Variants in CUX1 observed in about 807,000 individuals in gnomAD.
CUX1 encodes the protein protein CASP.
Under a neutral mutation model 158.8 loss-of-function variants are expected in CUX1, and 31 were observed. The observed-to-expected ratio is 0.20, with a 90% CI of 0.15 to 0.26. The LOEUF (loss-of-function observed/expected upper bound fraction) is 0.26, where lower values mean the gene tolerates loss of function less well. CUX1 is among the 10% of genes least tolerant of loss of function. The probability of loss-of-function intolerance (pLI) is 1.00; values close to 1 mark genes in which losing one functional copy is unlikely to be tolerated. For synonymous variants in CUX1, 879 were observed against 862.1 expected, an observed-to-expected ratio of 1.02 and a Z score of -0.34; for missense variants, 1,589 against 2,014.6, an observed-to-expected ratio of 0.79 and a Z score of 4.04.
intron 2 of CUX1, among the ~76,000 whole-genome samples, chr7:101,951,323 A>C (rs1003487170): frequency 6.6e-6 from 1 of 151,272 alleles, no homozygotes; most frequent in Admixed American, 6.6e-5. Context: ...AGGGTGAGAC[A>C]CTGTCTCAAA....
chr7:102,042,860 G>A (rs552491790), intron 3 of CUX1, among the ~76,000 whole-genome samples: 1 of 152,194 alleles, frequency 6.6e-6, no homozygotes, highest in Non-Finnish European at 1.5e-5. Flanking sequence ...CATAATCAGG[G>A]CTCACTGCAG....
intron 2 of CUX1, among the ~76,000 whole-genome samples, chr7:102,025,456 T>C (rs1819892298): frequency 1.3e-5 from 2 of 152,070 alleles, no homozygotes; most frequent in South Asian, 4.1e-4. Flanking sequence ...AGTGAAATCC[T>C]GTCTCTACGA....
intron 1 of CUX1, among the ~76,000 whole-genome samples, chr7:101,878,732 G>A (rs1305073175): frequency 6.6e-6 from 1 of 151,658 alleles, no homozygotes; most frequent in East Asian, 1.9e-4. Flanking sequence ...AAGTGCAGTG[G>A]TATGATCTCG....
intron 9 of CUX1, chr7:102,161,027 G>A (rs1436815284): frequency 1.3e-5 from 2 of 152,108 alleles, no homozygotes; most frequent in Non-Finnish European, 2.9e-5. Flanking sequence ...AGATTGTTTC[G>A]AGGATTTGAG....
intron 2 of CUX1, among the ~76,000 whole-genome samples, chr7:101,973,521 T>A (rs1314388733): frequency 6.6e-6 from 1 of 152,172 alleles, no homozygotes; most frequent in East Asian, 1.9e-4. Context: ...GGGAAAGTTA[T>A]GCATATAGAA....
chr7:101,840,260 T>G (rs1297978848), intron 1 of CUX1, among the ~76,000 whole-genome samples: 1 of 152,194 alleles, frequency 6.6e-6, no homozygotes, highest in Non-Finnish European at 1.5e-5. Context: ...TCCTTCTGAT[T>G]CTTACAGTGG....
rs1338005996 is a variant in CUX1 at position 102,249,164 on chromosome 7, C to T, written c.*122C>T. 1.7e-6 allele frequency: 2 copies of T among 1,146,084 alleles called. No homozygotes were observed. Among genetic ancestry groups the T allele is most frequent in the African/African-American group, 3.3e-5 (2 of 60,832 alleles). 71.0% of individuals were successfully genotyped at this position (1,146,084 alleles called of 1,614,324 possible). On this transcript the variant is annotated 3_prime_UTR_variant, in exon 24 of 24. Coordinates refer to ENST00000292535, the MANE Select transcript of CUX1 (RefSeq NM_181552.4). ...GCCCGCGGCCTGCACCGACCCCGGG[C>T]CGGACCTGAGCCCGCAGCCCAGACC...
At chr7:102,056,566 T>TA (rs1490348438) in intron 3 of CUX1, among the ~76,000 whole-genome samples, 3 of 152,142 alleles carry the variant, frequency 2.0e-5, no homozygotes, top group African/African-American at 7.2e-5. Flanking sequence ...CTGCCCAGAA[T>TA]AAAAAAAGGT....
intron 9 of CUX1, among the ~76,000 whole-genome samples, chr7:102,159,309 C>T (rs917244786): frequency 2.0e-5 from 3 of 152,242 alleles, no homozygotes; most frequent in Non-Finnish European, 4.4e-5. Context: ...GCCACTTGCT[C>T]CAAAGAGGGC....
At chr7:102,095,302 C>A (rs182083480) in intron 4 of CUX1, among the ~76,000 whole-genome samples, 1 of 152,146 alleles carries the variant, frequency 6.6e-6, no homozygotes, top group Admixed American at 6.6e-5. Flanking sequence ...TGAGCCACTG[C>A]AGCCGGCCTC....
intron 21 of CUX1, among the ~76,000 whole-genome samples, chr7:102,231,191 G>C (rs569590879): frequency 6.6e-6 from 1 of 151,840 alleles, no homozygotes; most frequent in African/African-American, 2.4e-5. Context: ...CACCATGCCC[G>C]GCTAATTTTT....
At chr7:101,930,701 T>C (rs1238743979) in intron 2 of CUX1, among the ~76,000 whole-genome samples, 1 of 152,026 alleles carries the variant, frequency 6.6e-6, no homozygotes, top group Admixed American at 6.6e-5. Context: ...CTTAAAGGAG[T>C]ATATAATTGG....
intron 21 of CUX1, 23 bp downstream of exon 21, chr7:102,227,692 G>A: frequency 1.3e-6 from 2 of 1,591,388 alleles, no homozygotes; most frequent in Non-Finnish European, 1.7e-6. Context: ...CTCGGCTGCT[G>A]AGTCAGGAGG....
upstream of CUX1, chr7:101,817,443 C>T (rs571287116): frequency 6.8e-5 from 67 of 984,262 alleles, no homozygotes; most frequent in African/African-American, 1.0e-3. This position sits in a 1 kb window ranked among gnomAD's most constrained non-coding sequence, Gnocchi z 4.1. Context: ...GGCGGTGGTC[C>T]GCGCGCGGAG....
intron 2 of CUX1, among the ~76,000 whole-genome samples, chr7:101,981,699 C>T (rs1813464944): frequency 1.3e-5 from 2 of 152,066 alleles, no homozygotes; most frequent in African/African-American, 4.8e-5. Context: ...CAACCTCCGC[C>T]TCCCTGGTTC....
At chr7:101,852,048 T>A (rs1316934106) in intron 1 of CUX1, among the ~76,000 whole-genome samples, 1 of 151,808 alleles carries the variant, frequency 6.6e-6, no homozygotes, top group African/African-American at 2.4e-5. Context: ...CGGACTGGCC[T>A]TGAACTCCTG....
chr7:102,209,325 G>A (rs1287317972), intron 20 of CUX1, among the ~76,000 whole-genome samples: 1 of 152,164 alleles, frequency 6.6e-6, no homozygotes, highest in Non-Finnish European at 1.5e-5. Flanking sequence ...CTAAGAATCC[G>A]AGCATGGGGG....
intron 2 of CUX1, among the ~76,000 whole-genome samples, chr7:101,979,475 A>G (rs1813135808): frequency 6.6e-6 from 1 of 152,240 alleles, no homozygotes; most frequent in African/African-American, 2.4e-5. Context: ...GATATATCTT[A>G]TAAATCAAAC....
chr7:101,817,508 C>T, upstream of CUX1: 1 of 1,148,602 alleles, frequency 8.7e-7, no homozygotes, highest in Non-Finnish European at 1.1e-6. The surrounding 1 kb of genome is among the most constrained non-coding windows in gnomAD (Gnocchi z 4.1). Flanking sequence ...GCCCGAGTCG[C>T]CGCCGTGCCC....
Sources: gnomAD v4.1 joint callset for allele counts (sites outside exome capture counted in the v4.1 genomes callset) on GRCh38, gnomAD v4.1.1 for gene constraint, Gnocchi (gnomAD v3.1) non-coding constraint, MANE v1.5 for transcripts, NCBI Gene and HGNC (gene_info 2026-07-23, HGNC 2026-07-21) for gene names.